PALM2AKAP2: variants seen among roughly 807,000 people sequenced by gnomAD.
PALM2AKAP2 encodes the protein PALM2-AKAP2 fusion protein.
In PALM2AKAP2, 37 loss-of-function variants were observed where a neutral mutation model predicts 71.5. The ratio of observed to expected loss-of-function variants is 0.52; its 90% CI spans 0.40 to 0.68. The LOEUF (loss-of-function observed/expected upper bound fraction) is 0.68. Among genes scored for constraint, PALM2AKAP2 ranks in the 30% least tolerant of loss-of-function variants. The probability of loss-of-function intolerance (pLI) is 0.00; values close to 1 mark genes in which losing one functional copy is unlikely to be tolerated. For missense variants in PALM2AKAP2, 1,224 were observed against 1,191.8 expected (o/e 1.03, Z -0.40); for synonymous variants, 468 against 478.8 (o/e 0.98, Z 0.29).
chr9:109,880,520 T>C, intron 2 of PALM2AKAP2, 31 bp from the exon 3 acceptor site: 11 of 1,611,004 alleles, frequency 6.8e-6, no homozygotes, highest in Non-Finnish European at 9.3e-6. Context: ...AAAAGTATCA[T>C]CTTGTCTGTT....
chr9:109,667,691 G>A (rs1206521818), intron 1 of PALM2AKAP2, among the ~76,000 whole-genome samples: 4 of 152,212 alleles, frequency 2.6e-5, no homozygotes, highest in East Asian at 1.9e-4. Flanking sequence ...TACTCAGGAG[G>A]CTGAGGTGAG....
intron 1 of PALM2AKAP2, among the ~76,000 whole-genome samples, chr9:110,129,133 T>A (rs1234821543): frequency 1.3e-5 from 2 of 152,182 alleles, no homozygotes; most frequent in African/African-American, 4.8e-5. Context: ...CCCCAGACCG[T>A]GCAAGAAGTC....
At chr9:109,854,763 C>CTTTTTTTTTTTTTT (rs34401582) in intron 1 of PALM2AKAP2, among the ~76,000 whole-genome samples, 1 of 66,158 alleles carries the variant, frequency 1.5e-5, no homozygotes, top group African/African-American at 6.2e-5. Flanking sequence ...AAGAATGTAT[C>CTTTTTTTTTTTTTT]TTTTTTTTTT....
At chr9:109,803,157 T>C (rs1398639848) in intron 1 of PALM2AKAP2, among the ~76,000 whole-genome samples, 4 of 152,218 alleles carry the variant, frequency 2.6e-5, no homozygotes, top group Non-Finnish European at 4.4e-5. Context: ...GTAAGATGCA[T>C]TGCTATTTCA....
At chr9:109,658,871 G>A (rs10759354) in intron 1 of PALM2AKAP2, among the ~76,000 whole-genome samples, 99,121 of 152,132 alleles carry the variant, frequency 0.65, 33,367 homozygotes, top group African/African-American at 0.83. Context: ...TACAATTTCA[G>A]TAATAACAAA....
At chr9:110,100,079 A>ATATATG (rs897991382) in intron 1 of PALM2AKAP2, among the ~76,000 whole-genome samples, 1 of 145,768 alleles carries the variant, frequency 6.9e-6, no homozygotes, top group African/African-American at 2.5e-5. Context: ...ATATATATAT[A>ATATATG]TAGAAACATA....
chr9:110,052,351 T>A (rs1833728526), intron 1 of PALM2AKAP2, among the ~76,000 whole-genome samples: 1 of 152,254 alleles, frequency 6.6e-6, no homozygotes, highest in Non-Finnish European at 1.5e-5. Context: ...CAGGGAAGAA[T>A]GTTACCATGG....
intron 1 of PALM2AKAP2, among the ~76,000 whole-genome samples, chr9:110,112,623 A>G (rs139135500): frequency 2.6e-5 from 4 of 152,366 alleles, no homozygotes; most frequent in African/African-American, 9.6e-5. Context: ...TAAAGTAGAA[A>G]AAGAATCTTG....
In PALM2AKAP2 at chr9:109,956,999, G is replaced by C. The variant is rs545918418; in HGVS notation, c.496+24971G>C. Among the ~76,000 whole-genome samples, 3 of 152,340 alleles carry C rather than the reference G, an allele frequency of 2.0e-5. No homozygotes were observed. The East Asian group carries it at 5.8e-4, about 29-fold the overall frequency. ...AAGCCACAAGAAGAGCAGAGACACA[G>C]AGCTGGGATTCAGACCCAGGCAGGG... On this transcript the variant is annotated intron_variant, in intron 6 of 9. Transcript: ENST00000302798.
chr9:109,680,801 G>C (rs574613957), intron 1 of PALM2AKAP2, among the ~76,000 whole-genome samples: 1 of 152,208 alleles, frequency 6.6e-6, no homozygotes, highest in Non-Finnish European at 1.5e-5. Flanking sequence ...TGGTGACAAG[G>C]TCACAGGTAC....
At chr9:110,091,448 T>G (rs1834704659) in intron 1 of PALM2AKAP2, among the ~76,000 whole-genome samples, 1 of 146,380 alleles carries the variant, frequency 6.8e-6, no homozygotes, top group African/African-American at 2.6e-5. Context: ...TTTTAATCTT[T>G]GAGATTTATT....
chr9:110,011,375 A>C (rs1832883218), intron 6 of PALM2AKAP2, among the ~76,000 whole-genome samples: 1 of 152,064 alleles, frequency 6.6e-6, no homozygotes, highest in Non-Finnish European at 1.5e-5. Context: ...TTTACAATTG[A>C]ACATCTAAGC....
At chr9:109,777,868 T>A (rs568281499), upstream of PALM2AKAP2, among the ~76,000 whole-genome samples, 32 of 152,318 alleles carry the variant, frequency 2.1e-4, no homozygotes, top group South Asian at 5.8e-3. Flanking sequence ...TGTTTTCTCA[T>A]CCTGGCTGTT....
At chr9:109,777,126 C>T (rs10115708), upstream of PALM2AKAP2, among the ~76,000 whole-genome samples, 30,803 of 152,082 alleles carry the variant, frequency 0.2, 5,384 homozygotes, top group African/African-American at 0.47. Flanking sequence ...CCCAACCCTA[C>T]GCCATCAGTC....
intron 3 of PALM2AKAP2, among the ~76,000 whole-genome samples, chr9:109,906,927 C>A (rs972775078): frequency 6.6e-6 from 1 of 152,234 alleles, no homozygotes; most frequent in Non-Finnish European, 1.5e-5. Flanking sequence ...CTGTCACTTT[C>A]TTTCCCTCAT....
intron 3 of PALM2AKAP2, among the ~76,000 whole-genome samples, chr9:109,902,041 C>T (rs1322405497): frequency 1.3e-5 from 2 of 152,152 alleles, no homozygotes; most frequent in African/African-American, 2.4e-5. Context: ...TAGGGTTTCT[C>T]TTTCCCCAGG....
chr9:109,931,898 T>A (rs1831110899), intron 5 of PALM2AKAP2, 29 bp from the exon 6 acceptor site: 1 of 1,610,946 alleles, frequency 6.2e-7, no homozygotes, highest in Non-Finnish European at 8.5e-7. Context: ...ACACTGTGAC[T>A]AATTGTATTC....
At chr9:109,975,985 A>G (rs998778977) in intron 6 of PALM2AKAP2, among the ~76,000 whole-genome samples, 6 of 152,236 alleles carry the variant, frequency 3.9e-5, no homozygotes, top group African/African-American at 1.4e-4. Flanking sequence ...AAATTAGCAA[A>G]CTATGGCCAT....
intron 3 of PALM2AKAP2, among the ~76,000 whole-genome samples, 163 bp downstream of exon 3, chr9:109,880,844 C>G (rs902401942): frequency 1.3e-4 from 20 of 152,114 alleles, no homozygotes; most frequent in Non-Finnish European, 2.6e-4. Context: ...TCCAGATGAC[C>G]CAGAGTTATG....
Sources: gnomAD v4.1 joint callset for allele counts (sites outside exome capture counted in the v4.1 genomes callset) on GRCh38, gnomAD v4.1.1 for gene constraint, MANE v1.5 for transcripts, NCBI Gene and HGNC (gene_info 2026-07-23, HGNC 2026-07-21) for gene names.